The following LRRC53 variants were observed in gnomAD, a reference collection of about 807,000 sequenced individuals.
LRRC53 encodes leucine-rich repeat-containing protein 53.
A neutral mutation model predicts 13.6 loss-of-function variants in LRRC53; 25 were observed. The ratio of observed to expected loss-of-function variants is 1.83; its 90% CI spans 1.34 to 2.56. LRRC53 has a LOEUF of 2.56. Ranked by LOEUF, LRRC53 falls within the 30% of genes most tolerant of loss-of-function variation. The probability of loss-of-function intolerance (pLI) is 0.00; values close to 1 mark genes in which losing one functional copy is unlikely to be tolerated. For missense variants in LRRC53, 527 were observed against 275.8 expected (o/e 1.91, Z -6.45); for synonymous variants, 204 against 109.8 (o/e 1.86, Z -5.37).
intron 1 of LRRC53, among the ~76,000 whole-genome samples, chr1:74,511,729 C>T (rs1670236988): frequency 6.6e-6 from 1 of 151,878 alleles, no homozygotes; most frequent in Non-Finnish European, 1.5e-5. Flanking sequence ...TGTAGGAAGC[C>T]CTGTGAGCCT....
the LRRC53 span, among the ~76,000 whole-genome samples, chr1:74,521,431 G>T: frequency 2.6e-5 from 4 of 152,000 alleles, no homozygotes; most frequent in Admixed American, 6.6e-5. Context: ...ACTATTTTAT[G>T]AAATATGTAT....
chr1:74,525,194 G>A, the LRRC53 span, among the ~76,000 whole-genome samples: 1 of 152,094 alleles, frequency 6.6e-6, no homozygotes, highest in Non-Finnish European at 1.5e-5. Context: ...GAATGCAGCA[G>A]GCATAAATGA....
At position 74,497,683 on chromosome 1, in the gene LRRC53, G is replaced by A. The variant is rs17095446; in HGVS notation, c.-26-14308C>T. Among the ~76,000 whole-genome samples the A allele has an allele frequency of 9.2e-3, 1,398 of 151,938 alleles. 17 individuals carry two copies. The highest frequency in any genetic ancestry group is 0.032 in the African/African-American group (1,338 of 41,404). On this transcript the variant is annotated intron_variant, in intron 1 of 4. Coordinates refer to ENST00000294635, the MANE Select transcript of LRRC53 (RefSeq NM_001382280.1). The stretch of plus-strand genomic sequence containing the variant: ...AGCCTTGACCTCTCTGCTTCCTAGC[G>A]TTTGCAACATCTTTAACTTCTCTCC...
intron 1 of LRRC53, among the ~76,000 whole-genome samples, chr1:74,504,723 A>G (rs1159120044): frequency 3.3e-5 from 5 of 152,112 alleles, no homozygotes; most frequent in African/African-American, 1.2e-4. Flanking sequence ...TTAGGTTACA[A>G]CATATCCACC....
the LRRC53 span, among the ~76,000 whole-genome samples, chr1:74,524,503 C>T: frequency 6.6e-6 from 1 of 152,140 alleles, no homozygotes; most frequent in Non-Finnish European, 1.5e-5. Flanking sequence ...AAAAATTGCA[C>T]AGGAAAATGC....
chr1:74,489,333 A>G (rs1212917718), intron 1 of LRRC53: 1 of 1,413,030 alleles, frequency 7.1e-7, no homozygotes, highest in Non-Finnish European at 9.7e-7. Flanking sequence ...GCTGGTGCTT[A>G]TGAAAAGTTA....
At chr1:74,530,407 A>C in the LRRC53 span, among the ~76,000 whole-genome samples, 1 of 152,210 alleles carries the variant, frequency 6.6e-6, no homozygotes, top group Admixed American at 6.5e-5. Flanking sequence ...GTTTCCTCAT[A>C]TATAAAATGA....
At chr1:74,489,441 G>A (rs543201281) in intron 1 of LRRC53, among the ~76,000 whole-genome samples, 3 of 152,314 alleles carry the variant, frequency 2.0e-5, no homozygotes, top group South Asian at 2.1e-4. Context: ...GGCAAAGTCA[G>A]AGTGAATTCG....
chr1:74,504,490 C>G (rs566681796), intron 1 of LRRC53, among the ~76,000 whole-genome samples: 2 of 152,206 alleles, frequency 1.3e-5, no homozygotes, highest in South Asian at 4.2e-4. Context: ...TAAAACCACC[C>G]TTAGTTTGAA....
At chr1:74,498,520 G>A (rs572235273) in intron 1 of LRRC53, among the ~76,000 whole-genome samples, 1 of 151,754 alleles carries the variant, frequency 6.6e-6, no homozygotes, top group Non-Finnish European at 1.5e-5. Flanking sequence ...TTATTTAATT[G>A]CATGTGGTGA....
intron 1 of LRRC53, among the ~76,000 whole-genome samples, chr1:74,496,777 T>C (rs1357662328): frequency 6.6e-6 from 1 of 152,134 alleles, no homozygotes; most frequent in Non-Finnish European, 1.5e-5. Context: ...ATTTTGTGCC[T>C]CTAGATATAT....
At chr1:74,503,105 A>G (rs766388940) in intron 1 of LRRC53, among the ~76,000 whole-genome samples, 16 of 152,172 alleles carry the variant, frequency 1.1e-4, no homozygotes, top group Non-Finnish European at 2.2e-4. Context: ...GTGGTAGCCA[A>G]ATGCAGTCAA....
rs1297147450 is a variant in LRRC53, at chr1:74,480,900, G to A, written c.157C>T (p.Leu53=). The A allele has an allele frequency of 1.4e-6, 1 of 717,260 alleles. No homozygotes were observed. The highest frequency in any genetic ancestry group is 2.6e-6 in the Non-Finnish European group (1 of 385,090). The allele number at this position is 717,260 out of a possible 1,614,324, so 44.4% of individuals were successfully genotyped here. A position where few individuals can be genotyped will look rare whatever the true frequency, so the allele number is the denominator to read the frequency against. The change falls in exon 3 of 5, where the codon CTG becomes TTG. Residue 53 remains leucine, a synonymous_variant. Coordinates refer to ENST00000294635, the MANE Select transcript of LRRC53 (RefSeq NM_001382280.1). ...GYLSSIESTN[L]SLLFNLALLS... Reference sequence around the variant, plus strand: ...AGGGCAAGATTAAACAAGAGAGACAGGTTTGTGCTCTCAATAGAGGAGAGA... The same window carrying A: ...AGGGCAAGATTAAACAAGAGAGACAAGTTTGTGCTCTCAATAGAGGAGAGA...
In LRRC53 at chr1:74,501,932, A is replaced by C. The variant is rs564238522; in HGVS notation, c.-27+10594T>G. On this transcript the variant is annotated intron_variant, in intron 1 of 4. Coordinates refer to ENST00000294635, the MANE Select transcript of LRRC53 (RefSeq NM_001382280.1). ...CTTTACCTGGAGCCAGGAATAATGT[A>C]AGATATTTATCCTCTGCATATCTTT... Among the ~76,000 whole-genome samples, 31 of 152,224 alleles carry C rather than the reference A, an allele frequency of 2.0e-4. 1 individual carries two copies. The South Asian group carries it at 5.8e-3, about 29-fold the overall frequency.
At chr1:74,517,085 C>T (rs868137516), upstream of LRRC53, among the ~76,000 whole-genome samples, 20 of 152,128 alleles carry the variant, frequency 1.3e-4, no homozygotes, top group African/African-American at 4.3e-4. Context: ...TCAGCTTTTC[C>T]CCCACCCCTA....
chr1:74,532,515 T>C, the LRRC53 span, among the ~76,000 whole-genome samples: 1 of 152,076 alleles, frequency 6.6e-6, no homozygotes, highest in East Asian at 1.9e-4. Context: ...AGGGTACATG[T>C]GCACAATGTG....
chr1:74,516,301 C>G (rs1646347436), upstream of LRRC53, among the ~76,000 whole-genome samples: 2 of 152,090 alleles, frequency 1.3e-5, no homozygotes, highest in Non-Finnish European at 1.5e-5. Flanking sequence ...TCACTATTTA[C>G]TTGGATGGGG....
chr1:74,488,262 C>A (rs1346559439), intron 1 of LRRC53, among the ~76,000 whole-genome samples: 1 of 152,018 alleles, frequency 6.6e-6, no homozygotes, highest in Non-Finnish European at 1.5e-5. Flanking sequence ...TCCACTGCTC[C>A]CACTGCTCCC....
chr1:74,511,954 A>T (rs1187287598), intron 1 of LRRC53, among the ~76,000 whole-genome samples: 1 of 152,214 alleles, frequency 6.6e-6, no homozygotes, highest in East Asian at 1.9e-4. Flanking sequence ...AGTCAATAGA[A>T]GTAGAAATAA....
Sources: gnomAD v4.1 joint callset for allele counts (sites outside exome capture counted in the v4.1 genomes callset) on GRCh38, gnomAD v4.1.1 for gene constraint, MANE v1.5 for transcripts, NCBI Gene and HGNC (gene_info 2026-07-23, HGNC 2026-07-21) for gene names.